DPP10: variants seen among roughly 807,000 people sequenced by gnomAD.
DPP10 encodes inactive dipeptidyl peptidase 10.
A neutral mutation model predicts 120.9 loss-of-function variants in DPP10; 33 were observed. The observed-to-expected ratio is 0.27, with a 90% CI of 0.21 to 0.37. DPP10 has a LOEUF of 0.37. Among genes scored for constraint, DPP10 ranks in the 10% least tolerant of loss-of-function variants. The pLI is 1.00. For synonymous variants in DPP10, 337 were observed against 326.1 expected (o/e 1.03, Z -0.36); for missense variants, 816 against 942.8 (o/e 0.87, Z 1.76).
chr2:115,385,646 C>T (rs1354262296), intron 3 of DPP10, among the ~76,000 whole-genome samples: 3 of 152,122 alleles, frequency 2.0e-5, no homozygotes, highest in East Asian at 3.9e-4. Flanking sequence ...CATGAACCAC[C>T]ACGCCCAGCC....
chr2:115,216,775 ACT>A (rs1050633266), intron 1 of DPP10, among the ~76,000 whole-genome samples: 2 of 151,922 alleles, frequency 1.3e-5, no homozygotes, highest in African/African-American at 4.8e-5. Flanking sequence ...ATGGAGTGAG[ACT>A]CTGTCTCAAA....
chr2:114,655,109 A>G (rs1047462270), intron 1 of DPP10, among the ~76,000 whole-genome samples: 10 of 152,178 alleles, frequency 6.6e-5, no homozygotes, highest in African/African-American at 2.4e-4. Context: ...AGTAAGACTG[A>G]ATAAGACAAT....
At chr2:115,038,481 G>T (rs946605940) in intron 1 of DPP10, among the ~76,000 whole-genome samples, 15 of 151,882 alleles carry the variant, frequency 9.9e-5, no homozygotes, top group African/African-American at 3.4e-4. Context: ...GTTTCAACGT[G>T]TTAGCCAGTA....
intron 1 of DPP10, among the ~76,000 whole-genome samples, chr2:114,741,029 T>C (rs1678007070): frequency 6.6e-6 from 1 of 152,228 alleles, no homozygotes; most frequent in African/African-American, 2.4e-5. Flanking sequence ...AGGTACTTTA[T>C]ATTTGTGGCA....
chr2:115,643,788 A>C (rs1205703675), intron 5 of DPP10, among the ~76,000 whole-genome samples: 2 of 152,102 alleles, frequency 1.3e-5, no homozygotes, highest in African/African-American at 4.8e-5. Flanking sequence ...AAAACTCATG[A>C]GTTTCTTCTC....
chr2:115,052,289 C>T (rs925815440), intron 1 of DPP10, among the ~76,000 whole-genome samples: 8 of 151,828 alleles, frequency 5.3e-5, no homozygotes, highest in Non-Finnish European at 1.2e-4. Context: ...TTAAGTATGA[C>T]TCCAAAAGCA....
At chr2:115,587,003 A>G (rs1179639057) in intron 5 of DPP10, among the ~76,000 whole-genome samples, 4 of 151,948 alleles carry the variant, frequency 2.6e-5, no homozygotes, top group Admixed American at 2.0e-4. Context: ...CATGCTGCAC[A>G]TTAGACCTCC....
At chr2:114,799,134 GA>G (rs1218924955) in intron 1 of DPP10, among the ~76,000 whole-genome samples, 1 of 151,678 alleles carries the variant, frequency 6.6e-6, no homozygotes, top group Admixed American at 6.6e-5. Context: ...CATCTCAAGA[GA>G]AAAAAAATTA....
intron 5 of DPP10, among the ~76,000 whole-genome samples, chr2:115,573,276 ATTTTTTTTTT>A (rs34420249): frequency 1.2e-5 from 1 of 86,528 alleles, no homozygotes; most frequent in Non-Finnish European, 2.3e-5. Flanking sequence ...GCTTCCTGGG[ATTTTTTTTTT>A]TTTTTTTTTT....
intron 1 of DPP10, among the ~76,000 whole-genome samples, chr2:114,780,666 CATT>C (rs1272974324): frequency 6.6e-6 from 1 of 151,778 alleles, no homozygotes; most frequent in Non-Finnish European, 1.5e-5. Flanking sequence ...ATTTAAAGGG[CATT>C]ATTATGATTA....
chr2:115,388,569 G>C (rs2067112907), intron 3 of DPP10, among the ~76,000 whole-genome samples: 1 of 152,200 alleles, frequency 6.6e-6, no homozygotes, highest in African/African-American at 2.4e-5. Flanking sequence ...CCTCTAGGGT[G>C]ATTCAACTAG....
intron 1 of DPP10, among the ~76,000 whole-genome samples, chr2:115,271,459 G>A (rs928312057): frequency 6.6e-6 from 1 of 152,090 alleles, no homozygotes; most frequent in Non-Finnish European, 1.5e-5. Context: ...GCAGGTTGTT[G>A]CATTTTTTTT....
intron 13 of DPP10, among the ~76,000 whole-genome samples, chr2:115,770,019 A>C (rs936803970): frequency 7.2e-5 from 11 of 152,094 alleles, no homozygotes; most frequent in African/African-American, 2.4e-4. Flanking sequence ...ATAGTGAAGG[A>C]TAGGAAAAGT....
At chr2:115,399,901 A>G (rs535089953) in intron 3 of DPP10, among the ~76,000 whole-genome samples, 1 of 152,214 alleles carries the variant, frequency 6.6e-6, no homozygotes, top group South Asian at 2.1e-4. Context: ...AAAGAAAAAA[A>G]GGTTTAATTG....
intron 2 of DPP10, among the ~76,000 whole-genome samples, chr2:115,334,274 A>C (rs1166154981): frequency 1.3e-5 from 1 of 76,700 alleles, no homozygotes; most frequent in East Asian, 3.6e-4. Context: ...CTGCAACAAG[A>C]GATTAGAAAG....
chr2:114,887,512 A>G (rs948709113), intron 1 of DPP10, among the ~76,000 whole-genome samples: 1 of 152,208 alleles, frequency 6.6e-6, no homozygotes, highest in Non-Finnish European at 1.5e-5. Context: ...ACTGAGAAAC[A>G]TCCCCAAAGT....
At chr2:115,370,132 G>C (rs1301820753) in intron 3 of DPP10, among the ~76,000 whole-genome samples, 1 of 152,072 alleles carries the variant, frequency 6.6e-6, no homozygotes, top group Non-Finnish European at 1.5e-5. Flanking sequence ...ACATTGAATT[G>C]CAAAAAGAAA....
At chr2:115,328,587 G>T (rs1312470530) in intron 2 of DPP10, among the ~76,000 whole-genome samples, 1 of 152,072 alleles carries the variant, frequency 6.6e-6, no homozygotes, top group Non-Finnish European at 1.5e-5. Context: ...ATGCAAGCTA[G>T]TTTGCAGCTC....
chr2:115,805,180 C>G (rs1240515382), intron 19 of DPP10, among the ~76,000 whole-genome samples: 1 of 152,148 alleles, frequency 6.6e-6, no homozygotes, highest in Non-Finnish European at 1.5e-5. Flanking sequence ...TGATCTCAGA[C>G]TGCTGTGCTA....
Sources: allele counts gnomAD v4.1 joint callset (sites outside exome capture counted in the v4.1 genomes callset), GRCh38; gene constraint gnomAD v4.1.1; transcripts MANE v1.5; gene names NCBI Gene and HGNC (gene_info 2026-07-23, HGNC 2026-07-21).